Variants in ALK observed in about 807,000 individuals in gnomAD.
ALK encodes ALK receptor tyrosine kinase.
A neutral mutation model predicts 163.1 loss-of-function variants in ALK; 74 were observed. The observed-to-expected ratio is 0.45, with a 90% CI of 0.38 to 0.55. The LOEUF is 0.55. ALK is among the 20% of genes least tolerant of loss of function. The pLI, the probability that ALK is intolerant of heterozygous loss-of-function variation, is 0.00. For synonymous variants in ALK, 960 were observed against 843.2 expected, an observed-to-expected ratio of 1.14 and a Z score of -2.40; for missense variants, 2,063 against 2,105.3, an observed-to-expected ratio of 0.98 and a Z score of 0.39.
At chr2:29,760,637 A>G (rs2148336857) in intron 1 of ALK, among the ~76,000 whole-genome samples, 1 of 152,302 alleles carries the variant, frequency 6.6e-6, no homozygotes, top group South Asian at 2.1e-4. Flanking sequence ...CCAGGTGAGT[A>G]CCAGGAAATT....
intron 3 of ALK, among the ~76,000 whole-genome samples, chr2:29,544,891 C>T (rs115792574): frequency 8.9e-4 from 136 of 152,156 alleles, no homozygotes; most frequent in African/African-American, 3.3e-3. Flanking sequence ...GGGAGAAAAC[C>T]AAGAAGCAAA....
At chr2:29,421,852 A>G (rs1392685717) in intron 4 of ALK, among the ~76,000 whole-genome samples, 1 of 151,688 alleles carries the variant, frequency 6.6e-6, no homozygotes, top group Admixed American at 6.5e-5. Flanking sequence ...CCAGAGCCCC[A>G]TTCTGCAAAT....
At chr2:29,618,120 C>T (rs61641759) in intron 3 of ALK, among the ~76,000 whole-genome samples, 3,867 of 152,308 alleles carry the variant, frequency 0.025, 93 homozygotes, top group South Asian at 0.056. Context: ...CTCTTAGGTG[C>T]TGACCAACAT....
In ALK at chr2:29,638,187, A is replaced by C. The variant is rs373888558; in HGVS notation, c.952+56663T>G. The stretch of plus-strand genomic sequence containing the variant: ...GAAAGCGGAGGCAGGAAGCTGGGAC[A>C]CCAGCACCTGCTAACTGCATGACCA... On this transcript the variant is annotated intron_variant, in intron 3 of 28. Coordinates refer to ENST00000389048, the MANE Select transcript of ALK (RefSeq NM_004304.5). Among the ~76,000 whole-genome samples the C allele has an allele frequency of 3.3e-5, 5 of 152,322 alleles. No homozygotes were observed. In the East Asian group the frequency reaches 7.7e-4, roughly 24 times the overall value.
At chr2:29,707,453 C>T (rs79445350) in intron 2 of ALK, among the ~76,000 whole-genome samples, 8,387 of 152,128 alleles carry the variant, frequency 0.055, 759 homozygotes, top group African/African-American at 0.19. Context: ...ACAAGGGAGG[C>T]TCTTTGCCTG....
intron 1 of ALK, among the ~76,000 whole-genome samples, chr2:29,919,176 A>G (rs1049397497): frequency 2.6e-5 from 4 of 152,222 alleles, no homozygotes; most frequent in African/African-American, 9.6e-5. Flanking sequence ...AGAGACTATC[A>G]TCAAGAGCTG....
At chr2:29,825,509 A>C (rs1665171814) in intron 1 of ALK, among the ~76,000 whole-genome samples, 1 of 152,192 alleles carries the variant, frequency 6.6e-6, no homozygotes, top group African/African-American at 2.4e-5. Flanking sequence ...AACAGAAAGA[A>C]AGACAACAGG....
At chr2:29,771,751 G>C (rs920060905) in intron 1 of ALK, among the ~76,000 whole-genome samples, 24 of 151,990 alleles carry the variant, frequency 1.6e-4, no homozygotes, top group Middle Eastern at 3.4e-3. Context: ...AGCCAGGATG[G>C]TCTCGATTGC....
intron 1 of ALK, among the ~76,000 whole-genome samples, chr2:29,814,982 ATG>A (rs1360347938): frequency 2.9e-4 from 43 of 148,616 alleles, no homozygotes; most frequent in Non-Finnish European, 5.8e-4. Context: ...TCTGAAATGA[ATG>A]AATGAATGAA....
intron 8 of ALK, among the ~76,000 whole-genome samples, chr2:29,304,515 A>G (rs1666453383): frequency 6.6e-6 from 1 of 151,740 alleles, no homozygotes; most frequent in African/African-American, 2.4e-5. Flanking sequence ...AAAAAAAGAA[A>G]AGAAAAAAGA....
At position 29,836,147 on chromosome 2, in the gene ALK, C is replaced by G. The variant is rs370625343; in HGVS notation, c.667+83846G>C. ...TTAGCAATGTTCCCAGGGAGCACTT[C>G]TTTTAATAAGTCCCTTGTATACTAA... On this transcript the variant is annotated intron_variant, in intron 1 of 28. Transcript: ENST00000389048. Among the ~76,000 whole-genome samples, 31 of 152,326 alleles carry G rather than the reference C, an allele frequency of 2.0e-4. No homozygotes were observed. The East Asian group carries it at 4.2e-3, about 21-fold the overall frequency.
chr2:29,247,819 A>G (rs1664723477), intron 12 of ALK, among the ~76,000 whole-genome samples: 1 of 152,008 alleles, frequency 6.6e-6, no homozygotes, highest in Admixed American at 6.6e-5. Context: ...TGCCTCCAGG[A>G]TGGGTGGGTT....
chr2:29,290,846 A>T (rs1359261121), intron 9 of ALK, among the ~76,000 whole-genome samples: 1 of 152,148 alleles, frequency 6.6e-6, no homozygotes, highest in Non-Finnish European at 1.5e-5. Flanking sequence ...GAGAGGGGAC[A>T]CAATGGCCTG....
chr2:29,379,757 G>C (rs1336904604), intron 5 of ALK, among the ~76,000 whole-genome samples: 1 of 152,230 alleles, frequency 6.6e-6, no homozygotes, highest in Non-Finnish European at 1.5e-5. Context: ...AGATGGAATG[G>C]TATCAGGGAG....
intron 4 of ALK, among the ~76,000 whole-genome samples, chr2:29,428,092 T>C (rs1041592825): frequency 2.0e-5 from 3 of 152,006 alleles, no homozygotes; most frequent in East Asian, 1.9e-4. Flanking sequence ...AAAACAAAGA[T>C]GCAACATACC....
intron 5 of ALK, among the ~76,000 whole-genome samples, chr2:29,355,956 G>A (rs1668236322): frequency 6.6e-6 from 1 of 152,080 alleles, no homozygotes; most frequent in African/African-American, 2.4e-5. Context: ...TCCACATCTG[G>A]AGACCTCACA....
At chr2:29,772,270 T>C (rs770723248) in intron 1 of ALK, among the ~76,000 whole-genome samples, 6 of 152,068 alleles carry the variant, frequency 3.9e-5, no homozygotes, top group Non-Finnish European at 8.8e-5. Context: ...ATAATCTAAA[T>C]GTAAATATCA....
At chr2:29,264,753 G>C (rs1288605477) in intron 11 of ALK, among the ~76,000 whole-genome samples, 7 of 152,222 alleles carry the variant, frequency 4.6e-5, no homozygotes, top group Admixed American at 2.6e-4. Flanking sequence ...TGGGTGCTGG[G>C]ACACTTTTGG....
chr2:29,632,288 T>G (rs1676401613), intron 3 of ALK, among the ~76,000 whole-genome samples: 1 of 152,114 alleles, frequency 6.6e-6, no homozygotes, highest in African/African-American at 2.4e-5. Context: ...AATGCAAGTA[T>G]TATGGAGTGA....
Sources: gnomAD v4.1 joint callset for allele counts (sites outside exome capture counted in the v4.1 genomes callset) on GRCh38, gnomAD v4.1.1 for gene constraint, MANE v1.5 for transcripts, NCBI Gene and HGNC (gene_info 2026-07-23, HGNC 2026-07-21) for gene names.